The following UBE2D4 variants were observed in gnomAD, a reference collection of about 807,000 sequenced individuals.
UBE2D4 encodes the protein ubiquitin conjugating enzyme E2 D4.
In UBE2D4, 17 loss-of-function variants were observed where a neutral mutation model predicts 23.0. The observed-to-expected ratio is 0.74, with a 90% confidence interval of 0.51 to 1.11. The LOEUF is 1.11. Among genes scored for constraint, UBE2D4 ranks in the 50% least tolerant of loss-of-function variants. UBE2D4 has a pLI of 0.00. For synonymous variants in UBE2D4, 61 were observed against 69.4 expected, an observed-to-expected ratio of 0.88 and a Z score of 0.60; for missense variants, 139 against 181.8, an observed-to-expected ratio of 0.76 and a Z score of 1.35.
At chr7:43,931,606 G>A (rs1585855512) in intron 1 of UBE2D4, among the ~76,000 whole-genome samples, 2 of 137,562 alleles carry the variant, frequency 1.5e-5, no homozygotes, top group African/African-American at 5.1e-5. Flanking sequence ...AAGGCAAACC[G>A]GGGTGGGGGG....
intron 1 of UBE2D4, among the ~76,000 whole-genome samples, chr7:43,931,409 A>G (rs2095945087): frequency 6.6e-6 from 1 of 152,226 alleles, no homozygotes; most frequent in Non-Finnish European, 1.5e-5. Context: ...GTGCCACTGC[A>G]CTCCAACCTG....
chr7:43,936,282 T>A, intron 1 of UBE2D4, among the ~76,000 whole-genome samples: 1 of 152,140 alleles, frequency 6.6e-6, no homozygotes, highest in Non-Finnish European at 1.5e-5. Flanking sequence ...AAAGTAAAAT[T>A]GTGTCTTATA....
rs2096008848 is a variant in UBE2D4 at position 43,954,255 on chromosome 7, GC to G, written c.*1562del. The G allele has an allele frequency of 8.2e-6, 1 of 121,842 alleles. No individual in the cohort carries two copies. Among genetic ancestry groups the G allele is most frequent in the African/African-American group, 3.2e-5 (1 of 31,276 alleles). The allele number at this position is 121,842 out of a possible 1,614,324, so 7.5% of individuals were successfully genotyped here. On this transcript the variant is annotated 3_prime_UTR_variant, in exon 7 of 7. Coordinates refer to ENST00000222402, the MANE Select transcript of UBE2D4 (RefSeq NM_015983.4). ...GCTGCATCTCACCATGTTGAGGATTGCCTTTTTTTTTTTTTTTTTTTTTTTT... is the reference window on the plus strand; with the variant it reads ...GCTGCATCTCACCATGTTGAGGATTGCTTTTTTTTTTTTTTTTTTTTTTTT...
At chr7:43,946,794 AG>A (rs75847932) in intron 4 of UBE2D4, among the ~76,000 whole-genome samples, 21 of 151,750 alleles carry the variant, frequency 1.4e-4, no homozygotes, top group Non-Finnish European at 2.1e-4. Context: ...AATTCTGAGA[AG>A]GGGGGGTCTT....
chr7:43,929,864 C>T (rs1323244760), intron 1 of UBE2D4, among the ~76,000 whole-genome samples: 1 of 152,156 alleles, frequency 6.6e-6, no homozygotes, highest in Non-Finnish European at 1.5e-5. Flanking sequence ...GTGTGTCAAG[C>T]CTGCCGTGGT....
chr7:43,935,949 G>T (rs2095957387), intron 1 of UBE2D4, among the ~76,000 whole-genome samples: 1 of 152,162 alleles, frequency 6.6e-6, no homozygotes, highest in African/African-American at 2.4e-5. Flanking sequence ...CAGATGCTCT[G>T]CCCTGCCCAT....
At chr7:43,943,868 G>A (rs1018137184) in intron 4 of UBE2D4, 3 of 152,518 alleles carry the variant, frequency 2.0e-5, no homozygotes, top group Non-Finnish European at 2.9e-5. Context: ...GAGGAGACAG[G>A]GCATTTAGCA....
chr7:43,927,299 CTTTTTTT>C (rs71769283), intron 1 of UBE2D4, among the ~76,000 whole-genome samples: 1 of 131,234 alleles, frequency 7.6e-6, no homozygotes. Flanking sequence ...GTATTTATAA[CTTTTTTT>C]TTTTTTTTTT....
chr7:43,949,474 A>G (rs1022063707), intron 5 of UBE2D4, among the ~76,000 whole-genome samples: 3 of 152,214 alleles, frequency 2.0e-5, no homozygotes, highest in African/African-American at 7.2e-5. Context: ...CAGTCCTCCC[A>G]TTGTGGCCTC....
intron 2 of UBE2D4, among the ~76,000 whole-genome samples, chr7:43,939,841 A>T (rs1214220448): frequency 2.0e-5 from 3 of 152,098 alleles, no homozygotes; most frequent in Non-Finnish European, 4.4e-5. Context: ...TAGATGAGAG[A>T]TTACCTGAGG....
At chr7:43,951,150 C>G (rs1337874527) in intron 6 of UBE2D4, among the ~76,000 whole-genome samples, 1 of 152,212 alleles carries the variant, frequency 6.6e-6, no homozygotes, top group Non-Finnish European at 1.5e-5. Flanking sequence ...GTGGTCAGTT[C>G]GCTGGCTCAG....
intron 1 of UBE2D4, among the ~76,000 whole-genome samples, chr7:43,927,555 T>C (rs1258853112): frequency 4.6e-5 from 7 of 152,210 alleles, no homozygotes; most frequent in African/African-American, 1.7e-4. Flanking sequence ...TCCTCTTGCC[T>C]CTGCCTCCTA....
chr7:43,932,984 G>GTATATATATATATATATATATA (rs57093593), intron 1 of UBE2D4, among the ~76,000 whole-genome samples: 1 of 85,794 alleles, frequency 1.2e-5, no homozygotes, highest in African/African-American at 4.4e-5. Context: ...AAATGTTAAA[G>GTATATATATATATATATATATA]TATATATATA....
intron 2 of UBE2D4, chr7:43,941,166 G>A (rs2095971239): frequency 6.6e-6 from 1 of 152,162 alleles, no homozygotes; most frequent in Non-Finnish European, 1.5e-5. Context: ...GAAACTCTGG[G>A]CTAATTCCAT....
intron 5 of UBE2D4, among the ~76,000 whole-genome samples, chr7:43,949,921 C>T (rs972243979): frequency 6.6e-6 from 1 of 152,072 alleles, no homozygotes; most frequent in African/African-American, 2.4e-5. Context: ...ATGGCGCGAT[C>T]TCGGCTCACT....
rs2595706 is a variant in UBE2D4 at position 43,926,562 on chromosome 7, C to A, written c.24+6C>A. The A allele has an allele frequency of 0.048, 75,325 of 1,568,914 alleles. 2,563 individuals are homozygous for A. Among genetic ancestry groups the A allele is most frequent in the East Asian group, 0.17 (6,420 of 38,674 alleles). ...CGCTAAAGCGGATCCAGAAGGTACG[C>A]ACTTTCCCACCCTCCAACTCTTTGG... On this transcript the variant is annotated splice_donor_region_variant and intron_variant, in intron 1 of 6. Transcript: ENST00000222402.
At chr7:43,935,967 C>T (rs1290171024) in intron 1 of UBE2D4, among the ~76,000 whole-genome samples, 2 of 152,192 alleles carry the variant, frequency 1.3e-5, no homozygotes, top group Non-Finnish European at 2.9e-5. Context: ...CATGGCATCA[C>T]CCTCTAAAGC....
In UBE2D4 at chr7:43,953,267, T is replaced by G; in HGVS notation, c.*572T>G. 3 of 451,652 alleles carry G rather than the reference T, an allele frequency of 6.6e-6. No individual in the cohort carries two copies. Among genetic ancestry groups the G allele is most frequent in the South Asian group, 4.7e-5 (3 of 63,936 alleles). The allele number at this position is 451,652 out of a possible 1,614,324, so 28.0% of individuals were successfully genotyped here. A position where few individuals can be genotyped will look rare whatever the true frequency, so the allele number is the denominator to read the frequency against. On this transcript the variant is annotated 3_prime_UTR_variant, in exon 7 of 7. Transcript: ENST00000222402. ...CCTGTGGCTTCCACCAGTCTCCTCC[T>G]GCAGTGCCACGTGGTGGCATTTCTC...
chr7:43,940,985 A>T (rs1210759181), intron 2 of UBE2D4: 1 of 152,216 alleles, frequency 6.6e-6, no homozygotes, highest in Non-Finnish European at 1.5e-5. Context: ...AAAAGGGCTC[A>T]TGGGCCACCT....
Sources: allele counts gnomAD v4.1 joint callset (sites outside exome capture counted in the v4.1 genomes callset), GRCh38; gene constraint gnomAD v4.1.1; transcripts MANE v1.5; gene names NCBI Gene and HGNC (gene_info 2026-07-23, HGNC 2026-07-21).